TTC28: variants seen among roughly 807,000 people sequenced by gnomAD.
The protein encoded by TTC28 is tetratricopeptide repeat protein 28.
A neutral mutation model predicts 198.0 loss-of-function variants in TTC28; 61 were observed. The ratio of observed to expected loss-of-function variants is 0.31; its 90% CI spans 0.25 to 0.38. The LOEUF is 0.38. Ranked by LOEUF, TTC28 falls within the 10% of genes least tolerant of loss-of-function variation. TTC28 has a pLI of 1.00. For synonymous variants in TTC28, 1,171 were observed against 1,297.8 expected (o/e 0.90, Z 2.10); for missense variants, 2,678 against 3,164.0 (o/e 0.85, Z 3.69).
intron 2 of TTC28, among the ~76,000 whole-genome samples, chr22:28,421,629 T>C (rs1569316269): frequency 6.6e-6 from 1 of 152,148 alleles, no homozygotes; most frequent in Non-Finnish European, 1.5e-5. Flanking sequence ...TTTAACAAAA[T>C]GTCAATAACT....
At chr22:28,323,095 C>T (rs2045472480) in intron 2 of TTC28, among the ~76,000 whole-genome samples, 1 of 152,212 alleles carries the variant, frequency 6.6e-6, no homozygotes, top group African/African-American at 2.4e-5. Context: ...GGGATTAGGG[C>T]ATGGACATTT....
intron 5 of TTC28, among the ~76,000 whole-genome samples, chr22:28,238,104 G>A (rs561850340): frequency 1.3e-5 from 2 of 152,052 alleles, no homozygotes; most frequent in Non-Finnish European, 2.9e-5. Flanking sequence ...TTTACTGCAC[G>A]AATGGGGTTG....
chr22:28,299,772 T>G (rs2044980188), intron 3 of TTC28, among the ~76,000 whole-genome samples: 2 of 152,176 alleles, frequency 1.3e-5, no homozygotes, highest in African/African-American at 4.8e-5. Context: ...AAGTGACTTA[T>G]CCCAAGTTGG....
At chr22:28,175,629 A>AGGCCG (rs1357454551) in intron 5 of TTC28, among the ~76,000 whole-genome samples, 1 of 152,158 alleles carries the variant, frequency 6.6e-6, no homozygotes, top group Non-Finnish European at 1.5e-5. Flanking sequence ...GCTACTCAGG[A>AGGCCG]GGCCGAAACA....
In TTC28 at chr22:28,629,843, A is replaced by C. The variant is rs962040534; in HGVS notation, c.103-13T>G. 1.3e-6 allele frequency: 2 copies of C among 1,538,200 alleles called. No homozygotes were observed. The highest frequency in any genetic ancestry group is 2.8e-5 in the African/African-American group (2 of 72,214). ...CAAAGAGAGGAATCTACAAACAAAG[A>C]AACTTTATCAGAAAAAGTTCAGATA... is the stretch of plus-strand genomic sequence containing the variant. On this transcript the variant is annotated splice_polypyrimidine_tract_variant and intron_variant, in intron 1 of 22. Transcript: ENST00000397906.
At chr22:28,301,499 T>G (rs1023460925) in intron 3 of TTC28, among the ~76,000 whole-genome samples, 123 of 152,192 alleles carry the variant, frequency 8.1e-4, no homozygotes, top group African/African-American at 2.7e-3. Flanking sequence ...CTTGTAGGAA[T>G]GTAGCAGAGG....
chr22:28,403,099 C>T (rs2046942644), intron 2 of TTC28, among the ~76,000 whole-genome samples: 1 of 152,200 alleles, frequency 6.6e-6, no homozygotes, highest in African/African-American at 2.4e-5. Context: ...CCTTACTGGG[C>T]TTAATCTGTT....
chr22:28,606,451 C>G (rs1418284654), intron 2 of TTC28, among the ~76,000 whole-genome samples: 1 of 152,020 alleles, frequency 6.6e-6, no homozygotes, highest in Non-Finnish European at 1.5e-5. Flanking sequence ...AGGGGTATGT[C>G]TGTGAGTACA....
intron 12 of TTC28, among the ~76,000 whole-genome samples, chr22:28,087,850 C>T (rs1463209753): frequency 2.0e-5 from 3 of 152,126 alleles, no homozygotes; most frequent in Non-Finnish European, 4.4e-5. Context: ...AAATCACAAG[C>T]ATTCTTATAC....
intron 5 of TTC28, among the ~76,000 whole-genome samples, chr22:28,171,481 T>G (rs983930400): frequency 6.6e-6 from 1 of 152,212 alleles, no homozygotes; most frequent in African/African-American, 2.4e-5. Context: ...GTTCTATGTC[T>G]GTGCACTTCA....
intron 2 of TTC28, among the ~76,000 whole-genome samples, chr22:28,528,106 C>A (rs1000180646): frequency 1.3e-5 from 2 of 152,140 alleles, no homozygotes; most frequent in African/African-American, 4.8e-5. Context: ...ATTTGGGGGG[C>A]ACATTCAAAC....
intron 1 of TTC28, among the ~76,000 whole-genome samples, chr22:28,672,805 A>T (rs2051910876): frequency 6.6e-6 from 1 of 152,234 alleles, no homozygotes. Context: ...GTATGGCTGT[A>T]ATTGGCCTCA....
chr22:28,026,973 C>T (rs540789426), intron 13 of TTC28, among the ~76,000 whole-genome samples: 1 of 152,218 alleles, frequency 6.6e-6, no homozygotes, highest in Non-Finnish European at 1.5e-5. Context: ...AACGCAGTCC[C>T]TGTAGTCCAG....
chr22:28,324,803 G>A (rs1214030258), intron 2 of TTC28, among the ~76,000 whole-genome samples: 1 of 152,106 alleles, frequency 6.6e-6, no homozygotes, highest in Non-Finnish European at 1.5e-5. Flanking sequence ...GGCAAAAACT[G>A]GAAGCATTCC....
At chr22:28,503,749 G>C (rs1327984657) in intron 2 of TTC28, among the ~76,000 whole-genome samples, 1 of 152,168 alleles carries the variant, frequency 6.6e-6, no homozygotes, top group African/African-American at 2.4e-5. Context: ...GATAAATAAT[G>C]GAAGTATCTG....
intron 5 of TTC28, among the ~76,000 whole-genome samples, chr22:28,173,423 C>T (rs1423996351): frequency 6.6e-6 from 1 of 152,206 alleles, no homozygotes; most frequent in African/African-American, 2.4e-5. Flanking sequence ...ATAGCAGCAG[C>T]TGCTTCCCAC....
rs1299027455 is a variant in TTC28 at position 27,982,942 on chromosome 22, A to G, written c.6725T>C (p.Leu2242Pro). ...GCTATATCCGGAACTCACCTTGGGC[A>G]GGGAGGAGCTCCTGGCTGGGGGCTT... ...KPKPPARSSS[L>P]PKVSSGYSSP... The change falls in exon 23 of 23, where the codon CTG (leucine) becomes CCG (proline). Residue 2242 changes from leucine to proline, a missense_variant. Physicochemically the swap from Leu to Pro is moderately conservative, Grantham distance 98. Transcript: ENST00000397906. This position sits in a 1 kb window ranked among gnomAD's most constrained non-coding sequence, Gnocchi z 5.2. 3.9e-6 allele frequency: 6 copies of G among 1,551,532 alleles called. No homozygotes were observed. Among genetic ancestry groups the G allele is most frequent in the Non-Finnish European group, 5.2e-6 (6 of 1,146,986 alleles).
intron 1 of TTC28, among the ~76,000 whole-genome samples, chr22:28,661,813 G>A (rs1178966977): frequency 1.3e-5 from 2 of 152,192 alleles, no homozygotes; most frequent in Admixed American, 1.3e-4. Flanking sequence ...CACCATGTTG[G>A]CAAAGCTGGT....
At chr22:28,164,960 A>G (rs1057441981) in intron 5 of TTC28, among the ~76,000 whole-genome samples, 5 of 152,232 alleles carry the variant, frequency 3.3e-5, no homozygotes, top group Non-Finnish European at 5.9e-5. Flanking sequence ...TAACTAGAAT[A>G]ACCAATGCAG....
Sources: gnomAD v4.1 joint callset for allele counts (sites outside exome capture counted in the v4.1 genomes callset) on GRCh38, gnomAD v4.1.1 for gene constraint, Gnocchi (gnomAD v3.1) non-coding constraint, MANE v1.5 for transcripts, NCBI Gene and HGNC (gene_info 2026-07-23, HGNC 2026-07-21) for gene names.